Variants in NAV2 observed in about 807,000 individuals in gnomAD.
The protein encoded by NAV2 is neuron navigator 2.
In NAV2, 54 loss-of-function variants were observed where a neutral mutation model predicts 223.2. The ratio of observed to expected loss-of-function variants is 0.24; its 90% CI spans 0.19 to 0.30. The LOEUF is 0.30. Among genes scored for constraint, NAV2 ranks in the 10% least tolerant of loss-of-function variants. The probability of loss-of-function intolerance (pLI) is 1.00; values close to 1 mark genes in which losing one functional copy is unlikely to be tolerated. For missense variants in NAV2, 2,806 were observed against 3,147.5 expected (o/e 0.89, Z 2.60); for synonymous variants, 1,279 against 1,239.3 (o/e 1.03, Z -0.67).
chr11:19,616,578 G>A (rs1209993037), intron 1 of NAV2, among the ~76,000 whole-genome samples: 1 of 151,980 alleles, frequency 6.6e-6, no homozygotes, highest in Non-Finnish European at 1.5e-5. Flanking sequence ...GACTCCCTGT[G>A]GAGCACCCAG....
At chr11:19,552,247 G>T (rs1299006960) in intron 1 of NAV2, among the ~76,000 whole-genome samples, 2 of 152,210 alleles carry the variant, frequency 1.3e-5, no homozygotes, top group Admixed American at 1.3e-4. Context: ...GCTGGGAAGA[G>T]CAAGAGCTGG....
intron 19 of NAV2, among the ~76,000 whole-genome samples, chr11:20,058,100 T>G (rs1044268017): frequency 1.8e-4 from 28 of 152,252 alleles, no homozygotes; most frequent in African/African-American, 6.5e-4. Flanking sequence ...ATAGAGTTTG[T>G]GTAATTAGGT....
chr11:19,392,486 G>A (rs1849288491), intron 1 of NAV2, among the ~76,000 whole-genome samples: 1 of 151,992 alleles, frequency 6.6e-6, no homozygotes, highest in Non-Finnish European at 1.5e-5. Flanking sequence ...GGTTGATGCT[G>A]GCAGTCAGCT....
intron 1 of NAV2, among the ~76,000 whole-genome samples, chr11:19,812,791 T>G (rs1243301604): frequency 6.6e-6 from 1 of 151,486 alleles, no homozygotes; most frequent in Non-Finnish European, 1.5e-5. Flanking sequence ...CCACTCTGGA[T>G]TTGCTTAGTT....
chr11:19,824,800 A>G (rs764422829), intron 1 of NAV2, among the ~76,000 whole-genome samples: 2 of 152,232 alleles, frequency 1.3e-5, no homozygotes, highest in Non-Finnish European at 2.9e-5. Flanking sequence ...TGCAGGAATG[A>G]ATGTGTCACC....
intron 1 of NAV2, among the ~76,000 whole-genome samples, chr11:19,750,350 C>G (rs2053708921): frequency 6.6e-6 from 1 of 152,226 alleles, no homozygotes; most frequent in Non-Finnish European, 1.5e-5. Context: ...TTATACACAT[C>G]TTTTTCTCTC....
At chr11:19,426,415 C>T (rs1281853041) in intron 1 of NAV2, among the ~76,000 whole-genome samples, 1 of 152,146 alleles carries the variant, frequency 6.6e-6, no homozygotes, top group East Asian at 1.9e-4. Context: ...CCTTGAAGGA[C>T]TCCATGAAGA....
chr11:19,415,930 T>A (rs1353977127), intron 1 of NAV2, among the ~76,000 whole-genome samples: 1 of 152,118 alleles, frequency 6.6e-6, no homozygotes, highest in Non-Finnish European at 1.5e-5. Context: ...AACCAAGTAT[T>A]GATGGAACAT....
At chr11:19,553,644 C>T (rs2044764988) in intron 1 of NAV2, among the ~76,000 whole-genome samples, 1 of 152,262 alleles carries the variant, frequency 6.6e-6, no homozygotes, top group Admixed American at 6.5e-5. Flanking sequence ...ATCTTCACCT[C>T]TGGGAAGGAT....
At chr11:19,696,586 C>T (rs1421403573) in intron 1 of NAV2, among the ~76,000 whole-genome samples, 1 of 152,212 alleles carries the variant, frequency 6.6e-6, no homozygotes, top group Non-Finnish European at 1.5e-5. Flanking sequence ...TCTTGATGAT[C>T]AGGATCATGG....
chr11:19,402,352 G>A (rs947473448), intron 1 of NAV2, among the ~76,000 whole-genome samples: 22 of 152,170 alleles, frequency 1.4e-4, no homozygotes, highest in Admixed American at 1.4e-3. Context: ...ATAGAGTCGT[G>A]GTGATTATAA....
chr11:19,835,449 T>C (rs566375425), intron 2 of NAV2, among the ~76,000 whole-genome samples: 1 of 152,324 alleles, frequency 6.6e-6, no homozygotes, highest in South Asian at 2.1e-4. Context: ...AGGCATCTCC[T>C]GTGTGACTTC....
intron 18 of NAV2, among the ~76,000 whole-genome samples, chr11:20,054,913 T>G (rs564734376): frequency 6.6e-6 from 1 of 152,300 alleles, no homozygotes; most frequent in South Asian, 2.1e-4. Flanking sequence ...TATGAAATCA[T>G]GTAAAAGCTG....
At chr11:19,642,754 T>G (rs1565130451) in intron 1 of NAV2, among the ~76,000 whole-genome samples, 1 of 152,070 alleles carries the variant, frequency 6.6e-6, no homozygotes, top group Non-Finnish European at 1.5e-5. Flanking sequence ...ATATGAGAAA[T>G]TTAAAAAGAA....
At chr11:19,880,992 C>A (rs2063169529) in intron 5 of NAV2, among the ~76,000 whole-genome samples, 1 of 152,204 alleles carries the variant, frequency 6.6e-6, no homozygotes, top group Non-Finnish European at 1.5e-5. Flanking sequence ...TTGATTTCAT[C>A]CAATATGTGC....
At position 20,069,976 on chromosome 11, in the gene NAV2, A is replaced by C. The variant is rs528643591; in HGVS notation, c.4983+1578A>C. On this transcript the variant is annotated intron_variant, in intron 22 of 37. Transcript: ENST00000349880. ...TGCCCCCATTAATATGTAGTCTCCT[A>C]AGTTCTCTTTCTTTTCTGGAAATCT... Among the ~76,000 whole-genome samples the C allele has an allele frequency of 6.6e-5, 10 of 152,252 alleles. No individual in the cohort carries two copies. The South Asian group carries it at 1.9e-3, about 28-fold the overall frequency.
At position 19,842,891 on chromosome 11, in the gene NAV2, A is replaced by G. The variant is rs1317566127; in HGVS notation, c.406A>G (p.Ile136Val). ...QVVANEKIED[I>V]NGCPKNRSQM... ...TTCAGCAAATGAAAAGATTGAAGAC[A>G]TCAATGGCTGTCCGAAGAACAGATC... The change falls in exon 3 of 38, where the codon ATC (isoleucine) becomes GTC (valine). Residue 136 changes from isoleucine (I) to valine (V), a missense_variant. By Grantham distance (29) the Ile-to-Val change is conservative. Around this residue, in one of 4 missense-constraint regions of NAV2, gnomAD observed 1,167 missense variants for 1,180.5 expected, o/e 0.99. Transcript: ENST00000349880. The G allele has an allele frequency of 6.2e-7, 1 of 1,614,106 alleles. No homozygotes were observed. The highest frequency in any genetic ancestry group is 1.7e-5 in the Admixed American group (1 of 60,030).
At chr11:19,633,041 T>A (rs1449128867) in intron 1 of NAV2, among the ~76,000 whole-genome samples, 1 of 152,170 alleles carries the variant, frequency 6.6e-6, no homozygotes. Flanking sequence ...TTTTGTCTCT[T>A]CCTCTTCTAC....
chr11:19,629,078 G>A (rs879863404), intron 1 of NAV2, among the ~76,000 whole-genome samples: 3 of 152,122 alleles, frequency 2.0e-5, no homozygotes, highest in Non-Finnish European at 4.4e-5. Flanking sequence ...ACAGCCCTAT[G>A]TTTCTAAAAT....
Sources: gnomAD v4.1 joint callset for allele counts (sites outside exome capture counted in the v4.1 genomes callset) on GRCh38, gnomAD v4.1.1 for gene constraint, gnomAD v4.1.1 regional missense constraint, MANE v1.5 for transcripts, NCBI Gene and HGNC (gene_info 2026-07-23, HGNC 2026-07-21) for gene names.